Variants in PRKD1 observed in about 807,000 individuals in gnomAD.
The protein encoded by PRKD1 is protein kinase D1, also known as serine/threonine-protein kinase D1.
Under a neutral mutation model 95.9 loss-of-function variants are expected in PRKD1, and 63 were observed. That is an observed-to-expected ratio of 0.66 (90% CI 0.54 to 0.81). The LOEUF is 0.81. PRKD1 is among the 30% of genes least tolerant of loss of function. PRKD1 has a pLI of 0.00. For synonymous variants in PRKD1, 425 were observed against 423.1 expected (o/e 1.00, Z -0.05); for missense variants, 1,048 against 1,165.3 (o/e 0.90, Z 1.47).
In PRKD1 at chr14:29,631,121, GC is replaced by G. The variant is rs1879979561; in HGVS notation, c.1393-101del. 9.7e-6 allele frequency: 11 copies of G among 1,128,676 alleles called. No homozygotes were observed. In the South Asian group the frequency reaches 1.5e-4, roughly 15 times the overall value. 69.9% of individuals were successfully genotyped at this position (1,128,676 alleles called of 1,614,324 possible). A position where few individuals can be genotyped will look rare whatever the true frequency, so the allele number is the denominator to read the frequency against. ...CATGTGAAAAATGACATCACAAATA[GC>G]CACCATTTAAATAAAATACTTTTAA... On this transcript the variant is annotated intron_variant, in intron 9 of 17. Transcript: ENST00000331968.
intron 1 of PRKD1, among the ~76,000 whole-genome samples, chr14:29,734,028 CTTTTTTTTTTTTTTTTT>C (rs58908662): frequency 1.5e-5 from 1 of 64,640 alleles, no homozygotes; most frequent in Non-Finnish European, 2.6e-5. Flanking sequence ...ACTTTCCTGC[CTTTTTTTTTTTTTTTTT>C]TTTTTTTTTT....
At chr14:29,661,718 C>T (rs1229765596) in intron 4 of PRKD1, among the ~76,000 whole-genome samples, 1 of 152,132 alleles carries the variant, frequency 6.6e-6, no homozygotes, top group Non-Finnish European at 1.5e-5. Context: ...AACATTACTT[C>T]CAAATGCATT....
At chr14:29,819,709 A>C (rs577304050) in intron 1 of PRKD1, among the ~76,000 whole-genome samples, 1 of 151,510 alleles carries the variant, frequency 6.6e-6, no homozygotes, top group Non-Finnish European at 1.5e-5. Context: ...AATAAAATAA[A>C]ATAACATAAA....
At chr14:29,827,629 A>G (rs1224345149) in intron 1 of PRKD1, among the ~76,000 whole-genome samples, 1 of 152,200 alleles carries the variant, frequency 6.6e-6, no homozygotes, top group Non-Finnish European at 1.5e-5. Flanking sequence ...CTTATTTTAA[A>G]AAGACTCCAT....
intron 1 of PRKD1, among the ~76,000 whole-genome samples, chr14:29,916,585 T>A (rs1306185502): frequency 6.6e-6 from 1 of 152,186 alleles, no homozygotes; most frequent in Admixed American, 6.5e-5. Flanking sequence ...GTGTTACTGT[T>A]CTGAGGATCT....
In PRKD1 at chr14:29,826,844, CATATATATATAT is replaced by C. The variant is rs1228527833; in HGVS notation, c.264+100393_264+100404del. Among the ~76,000 whole-genome samples the C allele has an allele frequency of 1.1e-3, 32 of 28,676 alleles. 7 individuals carry two copies. The highest frequency in any genetic ancestry group is 3.1e-3 in the African/African-American group (26 of 8,262). The allele number at this position is 28,676 out of a possible 152,430, so 18.8% of individuals were successfully genotyped here. A position where few individuals can be genotyped will look rare whatever the true frequency, so the allele number is the denominator to read the frequency against. On this transcript the variant is annotated intron_variant, in intron 1 of 17. Coordinates refer to ENST00000331968, the MANE Select transcript of PRKD1 (RefSeq NM_002742.3). ...ATATATATATATATATATATACACACATATATATATATATATATATATATATATATATGATGG... is the reference window on the plus strand; with the variant it reads ...ATATATATATATATATATATACACACATATATATATATATATATATGATGG...
In PRKD1 at chr14:29,634,490, T is replaced by C. The variant is rs1221355069; in HGVS notation, c.1242A>G (p.Lys414=). Residue 414 remains lysine, a synonymous_variant, in exon 8 of 18, where the codon AAA becomes AAG. Transcript: ENST00000331968. Reference sequence around the variant, plus strand: ...CTGTGCTGCTTTTCCTCTTCGTGTGTTTGACAGACTGCACTACCCTCATGA... The same window carrying C: ...CTGTGCTGCTTTTCCTCTTCGTGTGCTTGACAGACTGCACTACCCTCATGA... ...IPLMRVVQSV[K]HTKRKSSTVM... 1.2e-6 allele frequency: 2 copies of C among 1,614,102 alleles called. No homozygotes were observed. Among genetic ancestry groups the C allele is most frequent in the South Asian group, 1.1e-5 (1 of 91,090 alleles).
intron 4 of PRKD1, among the ~76,000 whole-genome samples, chr14:29,642,916 T>C (rs1443996800): frequency 6.6e-6 from 1 of 151,804 alleles, no homozygotes; most frequent in African/African-American, 2.4e-5. Context: ...AGAATGATTT[T>C]TTTTTTTTTA....
chr14:29,705,597 C>A (rs996283367), intron 2 of PRKD1, among the ~76,000 whole-genome samples: 1 of 152,004 alleles, frequency 6.6e-6, no homozygotes, highest in African/African-American at 2.4e-5. Context: ...TTCATCACTG[C>A]AAAATGAAAC....
chr14:29,801,599 A>C (rs28403921), intron 1 of PRKD1, among the ~76,000 whole-genome samples: 6,479 of 152,260 alleles, frequency 0.043, 391 homozygotes, highest in African/African-American at 0.13. Context: ...ACAAGTGGGG[A>C]GTATTAACAC....
At chr14:29,871,569 G>T (rs1186668163) in intron 1 of PRKD1, among the ~76,000 whole-genome samples, 1 of 152,112 alleles carries the variant, frequency 6.6e-6, no homozygotes, top group Non-Finnish European at 1.5e-5. Context: ...TATAAAAAGG[G>T]GGTTATAAGT....
chr14:29,861,486 A>G lies in PRKD1; in HGVS notation c.264+65763T>C, dbSNP rs143765364. 1.0e-3 allele frequency among the ~76,000 whole-genome samples: 157 copies of G among 152,320 alleles called. 2 individuals carry two copies. Among genetic ancestry groups the G allele is most frequent in the African/African-American group, 3.4e-3 (141 of 41,584 alleles). The stretch of plus-strand genomic sequence containing the variant: ...ATGAGATATTCTGAGACAGGCATGC[A>G]ATGCATAATAATCACATCATGGAAA... On this transcript the variant is annotated intron_variant, in intron 1 of 17. Transcript: ENST00000331968.
chr14:29,857,458 T>C (rs1892548895), intron 1 of PRKD1, among the ~76,000 whole-genome samples: 1 of 152,226 alleles, frequency 6.6e-6, no homozygotes, highest in Non-Finnish European at 1.5e-5. Context: ...AAGGAATTGT[T>C]GGCCTTCCTG....
chr14:29,795,554 G>A (rs1288831115), intron 1 of PRKD1, among the ~76,000 whole-genome samples: 3 of 152,070 alleles, frequency 2.0e-5, no homozygotes, highest in Non-Finnish European at 2.9e-5. Flanking sequence ...CTTAGAGGAT[G>A]AGTAAACATT....
chr14:29,744,770 T>C (rs924873350), intron 1 of PRKD1, among the ~76,000 whole-genome samples: 1 of 152,190 alleles, frequency 6.6e-6, no homozygotes, highest in Admixed American at 6.5e-5. Context: ...TGGTCTTGAA[T>C]TCCTAGCCTC....
chr14:29,659,377 C>T (rs994546516), intron 4 of PRKD1, among the ~76,000 whole-genome samples: 3 of 152,100 alleles, frequency 2.0e-5, no homozygotes, highest in Admixed American at 1.3e-4. Flanking sequence ...TATGACTACA[C>T]CACTACTGGT....
chr14:29,599,946 C>T, intron 13 of PRKD1, 129 bp from the exon 14 acceptor site: 1 of 667,440 alleles, frequency 1.5e-6, no homozygotes, highest in African/African-American at 1.8e-5. Context: ...TTTAACACCT[C>T]TACATTCCAC....
chr14:29,594,167 C>T lies in PRKD1; in HGVS notation c.2434+3324G>A, dbSNP rs770206331. On this transcript the variant is annotated intron_variant, in intron 16 of 17. Transcript: ENST00000331968. ...TAGGTATTATATTGTATCAAGTCAA[C>T]ATCTACACTAACAGAAAAAATACAT... is the stretch of plus-strand genomic sequence containing the variant. 6 of 451,318 alleles carry T rather than the reference C, an allele frequency of 1.3e-5. 1 individual carries two copies. Among genetic ancestry groups the T allele is most frequent in the South Asian group, 9.5e-5 (6 of 63,408 alleles). 28.0% of individuals were successfully genotyped at this position (451,318 alleles called of 1,614,324 possible). A position where few individuals can be genotyped will look rare whatever the true frequency, so the allele number is the denominator to read the frequency against.
At chr14:29,816,816 TA>T (rs796922918) in intron 1 of PRKD1, among the ~76,000 whole-genome samples, 1 of 152,160 alleles carries the variant, frequency 6.6e-6, no homozygotes, top group Non-Finnish European at 1.5e-5. Context: ...CTATGATTAG[TA>T]AAAAATGGTT....
Sources: allele counts gnomAD v4.1 joint callset (sites outside exome capture counted in the v4.1 genomes callset), GRCh38; gene constraint gnomAD v4.1.1; transcripts MANE v1.5; gene names NCBI Gene and HGNC (gene_info 2026-07-23, HGNC 2026-07-21).